MAST4: variants seen among roughly 807,000 people sequenced by gnomAD.
MAST4 encodes microtubule-associated serine/threonine-protein kinase 4.
A neutral mutation model predicts 162.7 loss-of-function variants in MAST4; 89 were observed. The ratio of observed to expected loss-of-function variants is 0.55; its 90% CI spans 0.46 to 0.65. The LOEUF (loss-of-function observed/expected upper bound fraction) is 0.65. Among genes scored for constraint, MAST4 ranks in the 30% least tolerant of loss-of-function variants. The pLI, the probability that MAST4 is intolerant of heterozygous loss-of-function variation, is 0.00. For missense variants in MAST4, 3,153 were observed against 3,374.0 expected, an observed-to-expected ratio of 0.93 and a Z score of 1.62; for synonymous variants, 1,479 against 1,361.1, an observed-to-expected ratio of 1.09 and a Z score of -1.91.
chr5:66,774,698 C>T (rs1013507537), intron 2 of MAST4, among the ~76,000 whole-genome samples: 4 of 152,132 alleles, frequency 2.6e-5, no homozygotes, highest in Non-Finnish European at 2.9e-5. Context: ...ATTTCTCATT[C>T]TAATATGATT....
At chr5:66,680,022 A>G (rs1748224486) in intron 1 of MAST4, among the ~76,000 whole-genome samples, 1 of 152,184 alleles carries the variant, frequency 6.6e-6, no homozygotes, top group Non-Finnish European at 1.5e-5. Context: ...CTTTTGGGTA[A>G]AGACTGATCA....
chr5:66,875,870 T>G (rs1157091654), intron 3 of MAST4, among the ~76,000 whole-genome samples: 1 of 152,206 alleles, frequency 6.6e-6, no homozygotes, highest in East Asian at 1.9e-4. Flanking sequence ...CAGGTGATCC[T>G]CATGCCTCAG....
intron 1 of MAST4, among the ~76,000 whole-genome samples, chr5:66,608,916 G>A (rs1298819070): frequency 2.6e-5 from 4 of 152,090 alleles, no homozygotes; most frequent in Non-Finnish European, 4.4e-5. Context: ...AGAAAATGCT[G>A]TGGTGTGGCT....
At chr5:67,006,645 C>T (rs145957515) in intron 4 of MAST4, among the ~76,000 whole-genome samples, 88 of 152,258 alleles carry the variant, frequency 5.8e-4, no homozygotes, top group South Asian at 1.2e-3. Flanking sequence ...TGTCTGAACC[C>T]GTAGAGCAGT....
chr5:67,034,129 A>G (rs890983816), intron 4 of MAST4, among the ~76,000 whole-genome samples: 3 of 152,112 alleles, frequency 2.0e-5, no homozygotes, highest in Non-Finnish European at 4.4e-5. Flanking sequence ...AAAGGCCTAT[A>G]TCTTTTGTTG....
At chr5:66,875,345 G>C (rs560776809) in intron 3 of MAST4, among the ~76,000 whole-genome samples, 14 of 152,162 alleles carry the variant, frequency 9.2e-5, no homozygotes, top group Non-Finnish European at 2.1e-4. Flanking sequence ...TTCTGAGGCA[G>C]CTTATAGTTT....
chr5:67,004,883 G>A, intron 4 of MAST4: 1 of 665,458 alleles, frequency 1.5e-6, no homozygotes, highest in East Asian at 2.7e-5. Flanking sequence ...GGAGTGAGTA[G>A]ATAATTGGGA....
chr5:66,687,452 G>T (rs996314202), intron 1 of MAST4, among the ~76,000 whole-genome samples: 1 of 150,914 alleles, frequency 6.6e-6, no homozygotes, highest in African/African-American at 2.5e-5. Flanking sequence ...CGGTATACAC[G>T]TATTCCATAG....
chr5:66,880,419 G>A (rs150722663), intron 3 of MAST4, among the ~76,000 whole-genome samples: 1 of 152,214 alleles, frequency 6.6e-6, no homozygotes, highest in East Asian at 1.9e-4. Flanking sequence ...ATAGACTGTG[G>A]TAATATATTA....
intron 1 of MAST4, among the ~76,000 whole-genome samples, chr5:66,718,442 G>C (rs1423727092): frequency 6.6e-6 from 1 of 152,042 alleles, no homozygotes; most frequent in South Asian, 2.1e-4. Context: ...GGCCAGTTCA[G>C]GTGCCCAGGA....
Position 67,104,487 on chromosome 5 carries a change from G to C in MAST4, c.1268G>C (p.Arg423Pro), listed in dbSNP as rs779229872. 3 of 1,613,872 alleles carry C rather than the reference G, an allele frequency of 1.9e-6. No individual in the cohort carries two copies. Among genetic ancestry groups the C allele is most frequent in the South Asian group, 1.1e-5 (1 of 91,076 alleles). The change falls in exon 10 of 29, where the codon CGA (arginine) becomes CCA (proline). Residue 423 changes from arginine (R) to proline (P), a missense_variant. By Grantham distance (103) the Arg-to-Pro change is moderately radical. Coordinates refer to ENST00000403625, the MANE Select transcript of MAST4 (RefSeq NM_001164664.2). ...FTHHQIIELA[R>P]DCLDKSHQGL... ...CACCACCAGATTATTGAACTGGCTC[G>C]AGATTGCTTGGATAAATCCCACCAG...
At chr5:67,078,202 A>G (rs1393753266) in intron 5 of MAST4, among the ~76,000 whole-genome samples, 1 of 152,170 alleles carries the variant, frequency 6.6e-6, no homozygotes, top group Non-Finnish European at 1.5e-5. Flanking sequence ...CCTAAAAGCC[A>G]TAAAGGAAAG....
chr5:67,153,504 G>A lies in MAST4; in HGVS notation c.3572G>A (p.Gly1191Glu), dbSNP rs1319251129. The A allele has an allele frequency of 3.7e-6, 6 of 1,603,762 alleles. No individual in the cohort carries two copies. The South Asian group carries it at 6.8e-5, about 18-fold the overall frequency. Residue 1191 changes from glycine (G) to glutamate (E), a missense_variant, in exon 26 of 29, where the codon GGA (glycine) becomes GAA (glutamate). Coordinates refer to ENST00000403625, the MANE Select transcript of MAST4 (RefSeq NM_001164664.2). The part of the protein sequence containing the change: ...SPACQAGLKA[G>E]DLITHINGEP... ...GCATGCCAGGCAGGACTGAAGGCTG[G>A]AGATCTTATCACTCACATCAATGGA...
At chr5:66,961,297 TAC>T (rs1211804540) in intron 4 of MAST4, among the ~76,000 whole-genome samples, 1 of 152,246 alleles carries the variant, frequency 6.6e-6, no homozygotes, top group East Asian at 1.9e-4. Context: ...CTGGGAATCT[TAC>T]AGTCTTAACT....
At chr5:66,894,094 T>A (rs464911) in intron 3 of MAST4, among the ~76,000 whole-genome samples, 80,143 of 152,016 alleles carry the variant, frequency 0.53, 21,473 homozygotes, top group Middle Eastern at 0.6. Flanking sequence ...AAAGGAAATA[T>A]CTAAAAACCT....
At chr5:66,797,042 T>A (rs971803983) in intron 3 of MAST4, among the ~76,000 whole-genome samples, 1 of 152,208 alleles carries the variant, frequency 6.6e-6, no homozygotes, top group African/African-American at 2.4e-5. Flanking sequence ...TAAAATAATG[T>A]GGCAAAGTAG....
Position 66,788,134 on chromosome 5 carries a change from C to T in MAST4, c.518-536C>T, listed in dbSNP as rs1755204436. On this transcript the variant is annotated intron_variant, in intron 2 of 28. Transcript: ENST00000403625. ...TATGCAAATGGATATGATTATGTAT[C>T]CCACAGACACAGTTGGATGGCCACC... Among the ~76,000 whole-genome samples the T allele has an allele frequency of 2.0e-5, 3 of 152,106 alleles. No individual in the cohort carries two copies. The South Asian group carries it at 6.2e-4, about 32-fold the overall frequency.
chr5:66,640,597 G>A (rs1178590877), intron 1 of MAST4, among the ~76,000 whole-genome samples: 1 of 152,174 alleles, frequency 6.6e-6, no homozygotes, highest in Non-Finnish European at 1.5e-5. Flanking sequence ...GTGAGCCACC[G>A]CGCCCAGCCC....
At chr5:66,719,918 C>G (rs1751088647) in intron 1 of MAST4, among the ~76,000 whole-genome samples, 1 of 152,020 alleles carries the variant, frequency 6.6e-6, no homozygotes, top group Non-Finnish European at 1.5e-5. Flanking sequence ...GTCATTGTAC[C>G]ATTACCTCCT....
Sources: allele counts gnomAD v4.1 joint callset (sites outside exome capture counted in the v4.1 genomes callset), GRCh38; gene constraint gnomAD v4.1.1; transcripts MANE v1.5; gene names NCBI Gene and HGNC (gene_info 2026-07-23, HGNC 2026-07-21).